Variants in SGIP1 observed in about 807,000 individuals in gnomAD.
SGIP1 encodes the protein SH3-containing GRB2-like protein 3-interacting protein 1.
SGIP1 carries 38 observed loss-of-function variants against 107.5 expected under a neutral mutation model. The observed-to-expected ratio is 0.35, with a 90% CI of 0.27 to 0.46. SGIP1 has a LOEUF of 0.46. Among genes scored for constraint, SGIP1 ranks in the 20% least tolerant of loss-of-function variants. The probability of loss-of-function intolerance (pLI) is 1.00; values close to 1 mark genes in which losing one functional copy is unlikely to be tolerated. For synonymous variants in SGIP1, 365 were observed against 366.1 expected (o/e 1.00, Z 0.03); for missense variants, 929 against 1,019.5 (o/e 0.91, Z 1.21).
At chr1:66,679,577 G>T in intron 13 of SGIP1, 101 bp from the exon 14 acceptor site, 1 of 1,217,592 alleles carries the variant, frequency 8.2e-7, no homozygotes. Context: ...ATTTCCAATA[G>T]CAGGAATATA....
chr1:66,675,389 C>T (rs543362845), intron 12 of SGIP1, among the ~76,000 whole-genome samples: 1 of 152,284 alleles, frequency 6.6e-6, no homozygotes. Context: ...ATTTCAGCCC[C>T]TGAACTTCTG....
intron 13 of SGIP1, among the ~76,000 whole-genome samples, chr1:66,678,505 C>A (rs766481726): frequency 6.6e-6 from 1 of 152,060 alleles, no homozygotes; most frequent in African/African-American, 2.4e-5. Context: ...TGATTATGAC[C>A]TTGATTTTTG....
intron 6 of SGIP1, among the ~76,000 whole-genome samples, 162 bp from the exon 7 acceptor site, chr1:66,643,382 G>A (rs569823081): frequency 6.6e-6 from 1 of 152,260 alleles, no homozygotes; most frequent in African/African-American, 2.4e-5. Flanking sequence ...TCTGAGGAAA[G>A]GTGAATAAAT....
chr1:66,534,135 C>T, upstream of SGIP1: 1 of 598,370 alleles, frequency 1.7e-6, no homozygotes, highest in Non-Finnish European at 3.0e-6. Flanking sequence ...CTTGCCGTTC[C>T]TCTCCCTTTC....
chr1:66,639,697 A>T, intron 4 of SGIP1, 80 bp from the exon 5 acceptor site: 1 of 1,150,248 alleles, frequency 8.7e-7, no homozygotes, highest in Non-Finnish European at 1.3e-6. Flanking sequence ...TGCTAAATGC[A>T]GATAAGAGTT....
chr1:66,536,170 G>A (rs1213681314), intron 1 of SGIP1, among the ~76,000 whole-genome samples: 2 of 152,210 alleles, frequency 1.3e-5, no homozygotes, highest in East Asian at 3.8e-4. Context: ...ACTTGTGCTG[G>A]AGCTGAATTA....
intron 1 of SGIP1, among the ~76,000 whole-genome samples, chr1:66,568,671 G>A (rs1020922772): frequency 9.9e-5 from 15 of 151,554 alleles, no homozygotes; most frequent in Non-Finnish European, 2.2e-4. Flanking sequence ...TATCCACCAT[G>A]ATCAAGCAGG....
rs76751942 is a variant in SGIP1, at chr1:66,741,261, T to G, written c.2300-11T>G. 3.5e-5 allele frequency: 54 copies of G among 1,525,396 alleles called. No individual in the cohort carries two copies. The highest frequency in any genetic ancestry group is 5.6e-5 in the African/African-American group (4 of 71,110). 94.5% of individuals were successfully genotyped at this position (1,525,396 alleles called of 1,614,324 possible). On this transcript the variant is annotated splice_polypyrimidine_tract_variant and intron_variant, in intron 23 of 24. Transcript: ENST00000371037. Reference sequence around the variant, plus strand: ...TTGACTGTTACCTTGTAATAATGTGTTTTTTTTTAGGGGTGGGTTCTTTGT... The same window carrying G: ...TTGACTGTTACCTTGTAATAATGTGGTTTTTTTTAGGGGTGGGTTCTTTGT...
At chr1:66,735,826 CAA>C (rs1233871897) in intron 21 of SGIP1, among the ~76,000 whole-genome samples, 1 of 79,220 alleles carries the variant, frequency 1.3e-5, no homozygotes, top group African/African-American at 4.0e-5. Context: ...GACTCCGTCT[CAA>C]AAAAAAAAAA....
rs17129372 is a variant in SGIP1 at position 66,711,637 on chromosome 1, G to A, written c.1631-7657G>A. 7.9e-3 allele frequency among the ~76,000 whole-genome samples: 1,197 copies of A among 152,180 alleles called. 49 individuals are homozygous for A. Among genetic ancestry groups the A allele is most frequent in the Admixed American group, 0.067 (1,018 of 15,270 alleles). On this transcript the variant is annotated intron_variant, in intron 18 of 24. Coordinates refer to ENST00000371037, the MANE Select transcript of SGIP1 (RefSeq NM_032291.4). ...GACTTTCTGATGTCTCCATCTGTTG[G>A]TTATATCCCTGCATTGTCATCCCTG...
intron 7 of SGIP1, 120 bp downstream of exon 7, chr1:66,643,839 C>A: frequency 2.4e-6 from 2 of 826,462 alleles, no homozygotes; most frequent in Non-Finnish European, 1.7e-6. Context: ...GTCACCATAT[C>A]ATGAATTCTA....
intron 1 of SGIP1, among the ~76,000 whole-genome samples, chr1:66,603,557 C>T (rs1234979909): frequency 1.3e-5 from 2 of 152,076 alleles, no homozygotes; most frequent in Non-Finnish European, 2.9e-5. Context: ...AAATCTAGAA[C>T]CGATCACACA....
At chr1:66,715,526 T>C (rs1054322668) in intron 18 of SGIP1, among the ~76,000 whole-genome samples, 3 of 152,040 alleles carry the variant, frequency 2.0e-5, no homozygotes, top group Admixed American at 1.3e-4. Context: ...ATGCCACAGA[T>C]GGCCTTGTGT....
intron 1 of SGIP1, among the ~76,000 whole-genome samples, chr1:66,553,046 T>A (rs1276875407): frequency 1.3e-5 from 2 of 152,118 alleles, no homozygotes; most frequent in Non-Finnish European, 2.9e-5. Flanking sequence ...ACTCTTGCAC[T>A]TCCCATCTCC....
Position 66,689,128 on chromosome 1 carries a change from A to C in SGIP1, c.1316-20A>C. On this transcript the variant is annotated intron_variant, in intron 15 of 24. Transcript: ENST00000371037. ...GGCCCCCTGTGTTTCCAGCCATTTT[A>C]ATGCTAGTTTGTTTTTCAGGTGCAT... 8 of 1,606,732 alleles carry C rather than the reference A, an allele frequency of 5.0e-6. No individual in the cohort carries two copies. The highest frequency in any genetic ancestry group is 6.8e-6 in the Non-Finnish European group (8 of 1,176,292).
chr1:66,740,047 C>T (rs1388267121), intron 22 of SGIP1, among the ~76,000 whole-genome samples: 8 of 152,222 alleles, frequency 5.3e-5, no homozygotes, highest in African/African-American at 1.9e-4. Flanking sequence ...TGTCTCCCTT[C>T]TGTCTTCTAA....
chr1:66,635,009 T>G (rs1043817157), intron 3 of SGIP1, among the ~76,000 whole-genome samples: 11 of 152,236 alleles, frequency 7.2e-5, no homozygotes, highest in African/African-American at 2.4e-5. Context: ...AGCTTTCAAA[T>G]TATTGCCTTT....
chr1:66,677,426 AG>A (rs1398082656), intron 13 of SGIP1, among the ~76,000 whole-genome samples: 12 of 152,236 alleles, frequency 7.9e-5, no homozygotes, highest in African/African-American at 2.4e-5. Context: ...TCCAGGCATT[AG>A]GCTATCATAT....
rs545931131 is a variant in SGIP1 at position 66,697,715 on chromosome 1, G to T, written c.1630+2222G>T. Among the ~76,000 whole-genome samples the T allele has an allele frequency of 7.2e-5, 11 of 152,280 alleles. No homozygotes were observed. The East Asian group carries it at 2.1e-3, about 29-fold the overall frequency. ...TGTACGCTAGACTCGGGTATTTTTA[G>T]CTAGTAAAACCTAGAAGAATTTTTT... On this transcript the variant is annotated intron_variant, in intron 18 of 24. Coordinates refer to ENST00000371037, the MANE Select transcript of SGIP1 (RefSeq NM_032291.4).
Sources: gnomAD v4.1 joint callset for allele counts (sites outside exome capture counted in the v4.1 genomes callset) on GRCh38, gnomAD v4.1.1 for gene constraint, MANE v1.5 for transcripts, NCBI Gene and HGNC (gene_info 2026-07-23, HGNC 2026-07-21) for gene names.